Variants in ATP9A observed in about 807,000 individuals in gnomAD.
The protein encoded by ATP9A is ATPase phospholipid transporting 9A.
Under a neutral mutation model 144.1 loss-of-function variants are expected in ATP9A, and 52 were observed. The ratio of observed to expected loss-of-function variants is 0.36; its 90% CI spans 0.29 to 0.45. The LOEUF is 0.45. Among genes scored for constraint, ATP9A ranks in the 20% least tolerant of loss-of-function variants. The pLI is 1.00. For synonymous variants in ATP9A, 582 were observed against 557.4 expected (o/e 1.04, Z -0.62); for missense variants, 947 against 1,392.7 (o/e 0.68, Z 5.09).
At chr20:51,675,980 T>C (rs1248158335) in intron 10 of ATP9A, 152 bp downstream of exon 10, 1 of 573,822 alleles carries the variant, frequency 1.7e-6, no homozygotes, top group Non-Finnish European at 3.1e-6. Flanking sequence ...TGTATATGTA[T>C]TTATTGCATA....
At chr20:51,699,568 T>C (rs2077584984) in intron 4 of ATP9A, among the ~76,000 whole-genome samples, 1 of 152,230 alleles carries the variant, frequency 6.6e-6, no homozygotes, top group Non-Finnish European at 1.5e-5. Context: ...TTTTTGTGTG[T>C]CGTTAAATCT....
At chr20:51,625,980 C>T (rs1459828939) in intron 17 of ATP9A, among the ~76,000 whole-genome samples, 3 of 152,196 alleles carry the variant, frequency 2.0e-5, no homozygotes, top group Admixed American at 1.3e-4. Flanking sequence ...AAAGAGAGAT[C>T]CAGGCAGTTT....
At chr20:51,694,148 TC>T (rs2077560639) in intron 6 of ATP9A, 46 bp from the exon 7 acceptor site, 1 of 1,525,672 alleles carries the variant, frequency 6.6e-7, no homozygotes. Context: ...CAAGCACCCT[TC>T]CCTTGGCAGC....
Position 51,644,051 on chromosome 20 carries a change from C to G in ATP9A, c.1507-4547G>C, listed in dbSNP as rs185726637. Among the ~76,000 whole-genome samples, 1,047 of 152,074 alleles carry G rather than the reference C, an allele frequency of 6.9e-3. 4 individuals carry two copies. Among genetic ancestry groups the G allele is most frequent in the Non-Finnish European group, 8.6e-3 (583 of 68,000 alleles). ...TCGGGAGTCTAAGGCAGGAGAATCG[C>G]GTGAACCCCAGAGGCAGAGGTTGCA... On this transcript the variant is annotated intron_variant, in intron 14 of 27. Transcript: ENST00000338821.
chr20:51,735,372 C>T (rs1048596215), intron 1 of ATP9A, among the ~76,000 whole-genome samples: 4 of 148,650 alleles, frequency 2.7e-5, no homozygotes, highest in Admixed American at 6.8e-5. Context: ...GCTAATAACA[C>T]TGGCTCCCTT....
At chr20:51,628,209 C>G (rs562954773) in intron 16 of ATP9A, among the ~76,000 whole-genome samples, 1 of 152,176 alleles carries the variant, frequency 6.6e-6, no homozygotes, top group Non-Finnish European at 1.5e-5. Flanking sequence ...GTTTGCAACC[C>G]TCAAACTGAG....
chr20:51,748,851 A>G (rs2077818966), intron 1 of ATP9A, among the ~76,000 whole-genome samples: 1 of 152,146 alleles, frequency 6.6e-6, no homozygotes, highest in Non-Finnish European at 1.5e-5. Flanking sequence ...TTGGAGGCCC[A>G]GGTTCACTTG....
At chr20:51,717,194 T>G (rs4811230) in intron 3 of ATP9A, among the ~76,000 whole-genome samples, 32,748 of 142,364 alleles carry the variant, frequency 0.23, 4,270 homozygotes, top group East Asian at 0.46. Context: ...AAAAAAAAGA[T>G]CTAAACCCAA....
intron 2 of ATP9A, among the ~76,000 whole-genome samples, chr20:51,727,298 C>T (rs1203434806): frequency 6.6e-6 from 1 of 151,052 alleles, no homozygotes; most frequent in East Asian, 1.9e-4. Context: ...GTTACGTCCA[C>T]AGCATGTCCA....
chr20:51,607,543 C>T lies in ATP9A; in HGVS notation c.2787G>A (p.Leu929=). ...LSYKTFLIWV[L]ISIYQGSTIM... ...CATCCTTACCTTGATAGATGCTAAT[C>T]AAAACCCATATTAAGAATGTCTTGT... The change falls in exon 26 of 28, where the codon TTG becomes TTA. Residue 929 remains leucine (L), a synonymous_variant. Coordinates refer to ENST00000338821, the MANE Select transcript of ATP9A (RefSeq NM_006045.3). 1 of 1,612,932 alleles carries T rather than the reference C, an allele frequency of 6.2e-7. No individual in the cohort carries two copies. The highest frequency in any genetic ancestry group is 8.5e-7 in the Non-Finnish European group (1 of 1,179,158).
At chr20:51,637,282 C>T (rs2077296166) in intron 15 of ATP9A, among the ~76,000 whole-genome samples, 1 of 116,316 alleles carries the variant, frequency 8.6e-6, no homozygotes, top group African/African-American at 3.2e-5. Flanking sequence ...TTTTAAGTAT[C>T]TTATTTGATA....
intron 4 of ATP9A, among the ~76,000 whole-genome samples, chr20:51,708,989 G>A (rs1381388338): frequency 3.3e-5 from 5 of 152,212 alleles, no homozygotes; most frequent in Middle Eastern, 3.4e-3. Flanking sequence ...GGACATTTTA[G>A]GGACAAATAG....
chr20:51,732,042 C>A (rs1442221886), intron 1 of ATP9A, among the ~76,000 whole-genome samples: 1 of 151,992 alleles, frequency 6.6e-6, no homozygotes, highest in African/African-American at 2.4e-5. Flanking sequence ...CCAAGGGCGC[C>A]CCCAACGTGG....
At chr20:51,692,377 G>T (rs532776690) in intron 7 of ATP9A, among the ~76,000 whole-genome samples, 2 of 152,198 alleles carry the variant, frequency 1.3e-5, no homozygotes, top group South Asian at 2.1e-4. Context: ...GTGAAGTGGC[G>T]TAAGACAGGC....
Position 51,608,922 on chromosome 20 carries a change from C to CGTGTGTGTGTGTGTGTGTGTGT in ATP9A, c.2637-318_2637-297dup, listed in dbSNP as rs1214031645. Reference sequence around the variant, plus strand: ...ATATAATGGGGTAGAGGAAATAAGACGTGTGTGTGTGTGTGTGTGTGTGTG... The same window carrying CGTGTGTGTGTGTGTGTGTGTGT: ...ATATAATGGGGTAGAGGAAATAAGACGTGTGTGTGTGTGTGTGTGTGTGTGTGTGTGTGTGTGTGTGTGTGTG... On this transcript the variant is annotated intron_variant, in intron 24 of 27. Coordinates refer to ENST00000338821, the MANE Select transcript of ATP9A (RefSeq NM_006045.3). 2.1e-4 allele frequency among the ~76,000 whole-genome samples: 30 copies of CGTGTGTGTGTGTGTGTGTGTGT among 142,906 alleles called. 1 individual carries two copies. The highest frequency in any genetic ancestry group is 3.6e-3 in the Middle Eastern group (1 of 280). The allele number at this position is 142,906 out of a possible 152,430, so 93.8% of individuals were successfully genotyped here.
chr20:51,699,070 A>G (rs1205691), intron 4 of ATP9A, among the ~76,000 whole-genome samples: 103,196 of 151,978 alleles, frequency 0.68, 35,009 homozygotes, highest in Middle Eastern at 0.68. Flanking sequence ...CGGGCACCAC[A>G]GTGGCTCACG....
chr20:51,601,073 G>A lies in ATP9A; in HGVS notation c.*138C>T, dbSNP rs966088216. On this transcript the variant is annotated 3_prime_UTR_variant, in exon 28 of 28. Transcript: ENST00000338821. ...TGCAGCGTTAGGACTCCGTTTAGGC[G>A]CAGAGCCACTTCCCATTAAAACTGC... 1.2e-5 allele frequency: 13 copies of A among 1,103,724 alleles called. No homozygotes were observed. Among genetic ancestry groups the A allele is most frequent in the East Asian group, 2.7e-5 (1 of 36,748 alleles). The allele number at this position is 1,103,724 out of a possible 1,614,324, so 68.4% of individuals were successfully genotyped here.
intron 4 of ATP9A, among the ~76,000 whole-genome samples, chr20:51,711,789 TGG>T (rs71192548): frequency 8.0e-6 from 1 of 125,550 alleles, no homozygotes; most frequent in South Asian, 2.6e-4. Flanking sequence ...ATCTTGCAAG[TGG>T]GGGGTCAGTG....
intron 2 of ATP9A, among the ~76,000 whole-genome samples, chr20:51,727,930 CAAA>C (rs11286785): frequency 1.3e-4 from 17 of 134,078 alleles, no homozygotes; most frequent in Admixed American, 2.3e-4. Context: ...GACTCAGTCT[CAAA>C]AAAAAAAAAA....
Sources: gnomAD v4.1 joint callset for allele counts (sites outside exome capture counted in the v4.1 genomes callset) on GRCh38, gnomAD v4.1.1 for gene constraint, MANE v1.5 for transcripts, NCBI Gene and HGNC (gene_info 2026-07-23, HGNC 2026-07-21) for gene names.